SLIT1: variants seen among roughly 807,000 people sequenced by gnomAD.
SLIT1 encodes the protein slit homolog 1 protein.
SLIT1 carries 66 observed loss-of-function variants against 186.1 expected under a neutral mutation model. The ratio of observed to expected loss-of-function variants is 0.35; its 90% CI spans 0.29 to 0.44. The LOEUF (loss-of-function observed/expected upper bound fraction) is 0.44. Ranked by LOEUF, SLIT1 falls within the 20% of genes least tolerant of loss-of-function variation. The probability of loss-of-function intolerance (pLI) is 1.00; values close to 1 mark genes in which losing one functional copy is unlikely to be tolerated. For synonymous variants in SLIT1, 761 were observed against 833.8 expected (o/e 0.91, Z 1.50); for missense variants, 1,638 against 2,037.4 (o/e 0.80, Z 3.77).
At chr10:97,153,328 A>G (rs1849902542) in intron 4 of SLIT1, 1 of 152,286 alleles carries the variant, frequency 6.6e-6, no homozygotes, top group East Asian at 1.9e-4. Context: ...GACAAAATCA[A>G]CTGAAATGTG....
At chr10:97,130,636 C>A (rs1849644183) in intron 4 of SLIT1, among the ~76,000 whole-genome samples, 4 of 152,176 alleles carry the variant, frequency 2.6e-5, no homozygotes, top group Admixed American at 2.6e-4. Flanking sequence ...CAAGTCCTGG[C>A]TCTTCTTCTT....
At chr10:97,001,405 C>T (rs1289574963) in intron 36 of SLIT1, 55 bp from the exon 37 acceptor site, 1 of 1,383,692 alleles carries the variant, frequency 7.2e-7, no homozygotes, top group Non-Finnish European at 1.0e-6. Context: ...GGGTGAGCTG[C>T]TGCCTCCAGG....
At chr10:97,062,704 G>T (rs893041865) in intron 8 of SLIT1, among the ~76,000 whole-genome samples, 1 of 152,224 alleles carries the variant, frequency 6.6e-6, no homozygotes. Context: ...AGGCACAGCT[G>T]GGGGAGCTGC....
chr10:97,058,114 G>T lies in SLIT1; in HGVS notation c.1086-833C>A, dbSNP rs753483079. 8.4e-6 allele frequency: 6 copies of T among 714,862 alleles called. No homozygotes were observed. The South Asian group carries it at 8.9e-5, about 11-fold the overall frequency. The allele number at this position is 714,862 out of a possible 1,614,324, so 44.3% of individuals were successfully genotyped here. A position where few individuals can be genotyped will look rare whatever the true frequency, so the allele number is the denominator to read the frequency against. ...TGACGGGGCCAGTGTGGCTGGAATG[G>T]AGGGAACAAATGGGACAGTAACTTG... On this transcript the variant is annotated intron_variant, in intron 11 of 36. Transcript: ENST00000266058.
intron 4 of SLIT1, among the ~76,000 whole-genome samples, chr10:97,130,575 G>A (rs962916485): frequency 1.3e-5 from 2 of 152,216 alleles, no homozygotes; most frequent in Non-Finnish European, 2.9e-5. Context: ...GAAACAGAAA[G>A]TAGAATGGTG....
chr10:97,025,770 T>C (rs1309655606), intron 25 of SLIT1, among the ~76,000 whole-genome samples: 1 of 152,210 alleles, frequency 6.6e-6, no homozygotes, highest in African/African-American at 2.4e-5. Context: ...TTTGATCTGT[T>C]CATGCCAAGG....
rs771291783 is a variant in SLIT1 at position 97,001,205 on chromosome 10, C to T, written c.4512G>A (p.Lys1504=). 6.2e-7 allele frequency: 1 copy of T among 1,613,252 alleles called. No homozygotes were observed. The highest frequency in any genetic ancestry group is 8.5e-7 in the Non-Finnish European group (1 of 1,179,906). Residue 1504 remains lysine (K), a synonymous_variant, in exon 37 of 37, where the codon AAG becomes AAA. Coordinates refer to ENST00000266058, the MANE Select transcript of SLIT1 (RefSeq NM_003061.3). ...GQGCCQGLRL[K]RRKFTFECSD... is the part of the protein sequence containing the mutation. Reference sequence around the variant, plus strand: ...TGCACTCAAAGGTGAACTTCCTCCGCTTCAGCCGAAGGCCCTGGCAGCAGC... The same window carrying T: ...TGCACTCAAAGGTGAACTTCCTCCGTTTCAGCCGAAGGCCCTGGCAGCAGC...
At chr10:97,141,245 G>A (rs1849754615) in intron 4 of SLIT1, among the ~76,000 whole-genome samples, 1 of 152,192 alleles carries the variant, frequency 6.6e-6, no homozygotes, top group East Asian at 1.9e-4. Flanking sequence ...TAGGAAGCCT[G>A]CCTCGTGCAG....
At chr10:97,063,701 G>A in intron 7 of SLIT1, 83 bp from the exon 8 acceptor site, 2 of 1,420,004 alleles carry the variant, frequency 1.4e-6, no homozygotes, top group South Asian at 1.4e-5. Flanking sequence ...CAGGCAGGAG[G>A]CTGCCCCCGG....
rs146274627 is a variant in SLIT1 at position 97,125,066 on chromosome 10, G to A, written c.413+32752C>T. Among the ~76,000 whole-genome samples, 24 of 152,262 alleles carry A rather than the reference G, an allele frequency of 1.6e-4. No homozygotes were observed. In the East Asian group the frequency reaches 4.6e-3, roughly 29 times the overall value. ...AAACTGGCAAAGTGAAAAATGTCAA[G>A]AATGTTCAATACTGGAGGTGTGGAG... On this transcript the variant is annotated intron_variant, in intron 4 of 36. Coordinates refer to ENST00000266058, the MANE Select transcript of SLIT1 (RefSeq NM_003061.3).
chr10:97,090,893 G>T (rs1212426253), intron 4 of SLIT1, among the ~76,000 whole-genome samples: 1 of 152,250 alleles, frequency 6.6e-6, no homozygotes, highest in South Asian at 2.1e-4. Flanking sequence ...AGTGCTGAAG[G>T]GGGTGGCAAG....
intron 20 of SLIT1, among the ~76,000 whole-genome samples, chr10:97,041,552 A>G (rs551807573): frequency 4.3e-4 from 64 of 149,948 alleles, no homozygotes; most frequent in African/African-American, 1.5e-3. Context: ...GCTCACTGCA[A>G]CCTCCACCTC....
chr10:97,005,807 A>T (rs917091169), intron 32 of SLIT1, among the ~76,000 whole-genome samples: 1 of 152,184 alleles, frequency 6.6e-6, no homozygotes, highest in African/African-American at 2.4e-5. Flanking sequence ...AGTTCTGAGA[A>T]AAAAGGAAAA....
intron 1 of SLIT1, among the ~76,000 whole-genome samples, chr10:97,183,544 T>C (rs1469257125): frequency 6.6e-6 from 1 of 152,176 alleles, no homozygotes; most frequent in Non-Finnish European, 1.5e-5. Context: ...ACACAGCTAA[T>C]AGGTGACAGA....
At chr10:97,045,746 T>C (rs979500966) in intron 18 of SLIT1, among the ~76,000 whole-genome samples, 3 of 152,210 alleles carry the variant, frequency 2.0e-5, no homozygotes, top group Non-Finnish European at 4.4e-5. Flanking sequence ...ATAATAAAAT[T>C]TGCTTTTTGT....
Position 97,060,117 on chromosome 10 carries a change from G to A in SLIT1, c.983C>T (p.Ala328Val). 1 of 1,614,094 alleles carries A rather than the reference G, an allele frequency of 6.2e-7. No homozygotes were observed. Reference protein sequence around the residue: ...LNGIKSIPPGAFSPYRKLRRI... With the variant: ...LNGIKSIPPGVFSPYRKLRRI... ...CCGTAGCTTTCTGTAGGGTGAGAAG[G>A]CTCCAGGAGGGATGGACTTGATGCC... The change falls in exon 10 of 37, where the codon GCC (alanine) becomes GTC (valine). Residue 328 changes from alanine (A) to valine (V), a missense_variant. This residue lies in a region of SLIT1 where 1,245 missense variants were observed against 1,535.3 expected (regional missense o/e 0.81). Transcript: ENST00000266058.
At position 97,062,773 on chromosome 10, in the gene SLIT1, C is replaced by T. The variant is rs767932166; in HGVS notation, c.793+682G>A. The stretch of plus-strand genomic sequence containing the variant: ...CTGGCCAAGCTTGCAGAGCCTCAGA[C>T]TCTCGACACAGTGCTGACGGCCAGG... On this transcript the variant is annotated intron_variant, in intron 8 of 36. Transcript: ENST00000266058. 2.6e-5 allele frequency among the ~76,000 whole-genome samples: 4 copies of T among 152,268 alleles called. No homozygotes were observed. In the South Asian group the frequency reaches 8.3e-4, roughly 31 times the overall value.
intron 11 of SLIT1, 124 bp from the exon 12 acceptor site, chr10:97,057,405 G>T: frequency 1.5e-6 from 1 of 674,002 alleles, no homozygotes; most frequent in Non-Finnish European, 2.6e-6. Context: ...ACATCCTAAT[G>T]GTGTATATTT....
At chr10:97,159,145 CA>C (rs1295979278) in intron 3 of SLIT1, among the ~76,000 whole-genome samples, 1 of 152,200 alleles carries the variant, frequency 6.6e-6, no homozygotes, top group African/African-American at 2.4e-5. Flanking sequence ...CCATCTCAGC[CA>C]AAAGCTTACT....
Sources: gnomAD v4.1 joint callset for allele counts (sites outside exome capture counted in the v4.1 genomes callset) on GRCh38, gnomAD v4.1.1 for gene constraint, gnomAD v4.1.1 regional missense constraint, MANE v1.5 for transcripts, NCBI Gene and HGNC (gene_info 2026-07-23, HGNC 2026-07-21) for gene names.